PYROXD1: variants seen among roughly 807,000 people sequenced by gnomAD.
PYROXD1 encodes tRNA ligase complex-associated NAD(P)H dehydrogenase PYROXD1.
A neutral mutation model predicts 62.0 loss-of-function variants in PYROXD1; 42 were observed. The observed-to-expected ratio is 0.68, with a 90% CI of 0.53 to 0.88. PYROXD1 has a LOEUF of 0.88. Among genes scored for constraint, PYROXD1 ranks in the 40% least tolerant of loss-of-function variants. The pLI is 0.00. For synonymous variants in PYROXD1, 170 were observed against 206.4 expected (o/e 0.82, Z 1.51); for missense variants, 493 against 604.8 (o/e 0.82, Z 1.94).
intron 10 of PYROXD1, among the ~76,000 whole-genome samples, chr12:21,465,264 G>A (rs1942771446): frequency 6.6e-6 from 1 of 152,160 alleles, no homozygotes; most frequent in South Asian, 2.1e-4. Flanking sequence ...CACAATGGTT[G>A]AACTAGTTTA....
At position 21,461,231 on chromosome 12, in the gene PYROXD1, T is replaced by G. The variant is rs1264459080; in HGVS notation, c.880+77T>G. ...ACAATTTAATCCTGCTGTGTTCTAT[T>G]AAAAATAACTTCGTATTTCCATATA... is the stretch of plus-strand genomic sequence containing the variant. On this transcript the variant is annotated intron_variant, in intron 8 of 11. Coordinates refer to ENST00000240651, the MANE Select transcript of PYROXD1 (RefSeq NM_024854.5). 3.3e-6 allele frequency: 3 copies of G among 908,490 alleles called. No individual in the cohort carries two copies. The East Asian group carries it at 8.8e-5, about 27-fold the overall frequency. The allele number at this position is 908,490 out of a possible 1,614,324, so 56.3% of individuals were successfully genotyped here.
chr12:21,471,169 T>G lies in PYROXD1; in HGVS notation c.*2415T>G, dbSNP rs535305153. The G allele has an allele frequency of 7.8e-5, 108 of 1,388,454 alleles. No homozygotes were observed. Among genetic ancestry groups the G allele is most frequent in the African/African-American group, 1.2e-4 (8 of 67,086 alleles). 86.0% of individuals were successfully genotyped at this position (1,388,454 alleles called of 1,614,324 possible). A position where few individuals can be genotyped will look rare whatever the true frequency, so the allele number is the denominator to read the frequency against. On this transcript the variant is annotated 3_prime_UTR_variant, in exon 12 of 12. Transcript: ENST00000240651. ...ACGGAAAACAAATTTATAAAAGAAA[T>G]AACTATATGCGCAGTAATTCTTAAC...
At chr12:21,467,437 G>T in intron 10 of PYROXD1, 44 bp from the exon 11 acceptor site, 2 of 1,549,446 alleles carry the variant, frequency 1.3e-6, no homozygotes, top group South Asian at 1.2e-5. Flanking sequence ...TTCAGATAAT[G>T]ATCATGAAAA....
chr12:21,464,859 C>A (rs559250648), intron 10 of PYROXD1, among the ~76,000 whole-genome samples: 2 of 152,190 alleles, frequency 1.3e-5, no homozygotes, highest in Non-Finnish European at 2.9e-5. Flanking sequence ...GTGATGTTCC[C>A]CTTCCTGTGT....
chr12:21,467,286 G>C, intron 10 of PYROXD1, 195 bp from the exon 11 acceptor site: 1 of 460,070 alleles, frequency 2.2e-6, no homozygotes, highest in East Asian at 3.4e-5. Context: ...TTTAATTTTA[G>C]AGGCAGTAAT....
chr12:21,453,964 A>T (rs1268228820), intron 5 of PYROXD1, among the ~76,000 whole-genome samples: 1 of 152,030 alleles, frequency 6.6e-6, no homozygotes, highest in Admixed American at 6.6e-5. Flanking sequence ...TCCGCTGGTC[A>T]GTAATGCTAT....
At chr12:21,453,550 C>T (rs1256908251) in intron 5 of PYROXD1, among the ~76,000 whole-genome samples, 2 of 152,090 alleles carry the variant, frequency 1.3e-5, no homozygotes, top group Non-Finnish European at 2.9e-5. Context: ...CAAACAGATA[C>T]TGTTTTTCAT....
rs1555140724 is a variant in PYROXD1 at position 21,455,042 on chromosome 12, T to G, written c.489-90T>G. 3 of 646,088 alleles carry G rather than the reference T, an allele frequency of 4.6e-6. No homozygotes were observed. The South Asian group carries it at 1.6e-4, about 35-fold the overall frequency. The allele number at this position is 646,088 out of a possible 1,614,324, so 40.0% of individuals were successfully genotyped here. On this transcript the variant is annotated intron_variant, in intron 5 of 11. Transcript: ENST00000240651. ...TTAGCCTTAAAAATGTATTCCCTAC[T>G]TTTGCTTCAGGAGATCATTATTTGC...
chr12:21,437,914 TCC>T, intron 1 of PYROXD1, 100 bp downstream of exon 1: 1 of 1,146,218 alleles, frequency 8.7e-7, no homozygotes, highest in South Asian at 1.5e-5. Flanking sequence ...TCTTCCGGGT[TCC>T]TTTTTTGCTG....
At chr12:21,440,317 A>G in intron 1 of PYROXD1, 51 bp from the exon 2 acceptor site, 1 of 981,640 alleles carries the variant, frequency 1.0e-6, no homozygotes, top group Non-Finnish European at 1.6e-6. Flanking sequence ...CATATATACC[A>G]GTACTTAAAG....
At position 21,437,832 on chromosome 12, in the gene PYROXD1, C is replaced by T; in HGVS notation, c.84+18C>T. 1 of 1,606,304 alleles carries T rather than the reference C, an allele frequency of 6.2e-7. No individual in the cohort carries two copies. The highest frequency in any genetic ancestry group is 1.1e-5 in the South Asian group (1 of 89,676). Reference sequence around the variant, plus strand: ...CGGAGCAGGTAGGGCGGTGCTCAGGCGGTTCCGCCTCTTTCCCCGACCCCA... The same window carrying T: ...CGGAGCAGGTAGGGCGGTGCTCAGGTGGTTCCGCCTCTTTCCCCGACCCCA... On this transcript the variant is annotated intron_variant, in intron 1 of 11. Coordinates refer to ENST00000240651, the MANE Select transcript of PYROXD1 (RefSeq NM_024854.5).
At chr12:21,447,064 A>G (rs1591940852) in intron 3 of PYROXD1, among the ~76,000 whole-genome samples, 2 of 152,356 alleles carry the variant, frequency 1.3e-5, no homozygotes, top group East Asian at 3.9e-4. Context: ...CCTTTACATG[A>G]GAATGAAGAA....
chr12:21,449,909 G>A (rs1942461293), intron 4 of PYROXD1, among the ~76,000 whole-genome samples: 1 of 150,650 alleles, frequency 6.6e-6, no homozygotes, highest in African/African-American at 2.4e-5. Flanking sequence ...CCAGGCTGGA[G>A]TGCAGTGGCG....
chr12:21,445,538 C>T, intron 3 of PYROXD1, 72 bp downstream of exon 3: 1 of 1,416,926 alleles, frequency 7.1e-7, no homozygotes, highest in Non-Finnish European at 9.4e-7. Flanking sequence ...CCTCTTTTCA[C>T]TCCAGCTCTA....
chr12:21,452,471 A>T (rs1314947833), intron 5 of PYROXD1, among the ~76,000 whole-genome samples: 1 of 152,082 alleles, frequency 6.6e-6, no homozygotes, highest in East Asian at 1.9e-4. Flanking sequence ...TATGTTTAAA[A>T]ATAATTCAAA....
At chr12:21,460,430 TTTA>T (rs200852676) in intron 7 of PYROXD1, among the ~76,000 whole-genome samples, 4 of 55,664 alleles carry the variant, frequency 7.2e-5, no homozygotes, top group South Asian at 4.9e-4. Flanking sequence ...ATTTTATTTA[TTTA>T]TTTTTTTTGA....
intron 1 of PYROXD1, among the ~76,000 whole-genome samples, chr12:21,439,299 G>A (rs527490210): frequency 6.6e-6 from 1 of 152,264 alleles, no homozygotes; most frequent in South Asian, 2.1e-4. Context: ...TGGTTTATAC[G>A]TGAAACTGGA....
intron 10 of PYROXD1, 101 bp downstream of exon 10, chr12:21,462,963 G>A (rs1942726990): frequency 1.7e-6 from 2 of 1,178,516 alleles, no homozygotes; most frequent in East Asian, 5.2e-5. Flanking sequence ...CAACTTTTCT[G>A]CTTAAGTAGG....
At chr12:21,465,508 G>A (rs1222557795) in intron 10 of PYROXD1, among the ~76,000 whole-genome samples, 1 of 151,946 alleles carries the variant, frequency 6.6e-6, no homozygotes, top group Non-Finnish European at 1.5e-5. Flanking sequence ...CCGACTTTTT[G>A]ATGGGGTTGT....
Sources: gnomAD v4.1 joint callset for allele counts (sites outside exome capture counted in the v4.1 genomes callset) on GRCh38, gnomAD v4.1.1 for gene constraint, MANE v1.5 for transcripts, NCBI Gene and HGNC (gene_info 2026-07-23, HGNC 2026-07-21) for gene names.